The following RBFOX1 variants were observed in gnomAD, a reference collection of about 807,000 sequenced individuals.
The protein encoded by RBFOX1 is RNA binding protein fox-1 homolog 1.
In RBFOX1, 8 loss-of-function variants were observed where a neutral mutation model predicts 57.7. The ratio of observed to expected loss-of-function variants is 0.14; its 90% CI spans 0.08 to 0.25. RBFOX1 has a LOEUF of 0.25. Among genes scored for constraint, RBFOX1 ranks in the 10% least tolerant of loss-of-function variants. The probability of loss-of-function intolerance (pLI) is 1.00; values close to 1 mark genes in which losing one functional copy is unlikely to be tolerated. For missense variants in RBFOX1, 611 were observed against 548.5 expected (o/e 1.11, Z -1.14); for synonymous variants, 326 against 222.4 (o/e 1.47, Z -4.15).
chr16:7,156,777 G>T (rs914822838), intron 4 of RBFOX1, among the ~76,000 whole-genome samples: 6 of 152,040 alleles, frequency 3.9e-5, no homozygotes, highest in Admixed American at 3.9e-4. Flanking sequence ...TTCAAACACT[G>T]CATCTGTGTA....
chr16:5,778,268 T>G lies in RBFOX1; in HGVS notation c.319-89035T>G, dbSNP rs111980150. 7.6e-4 allele frequency among the ~76,000 whole-genome samples: 115 copies of G among 152,288 alleles called. 1 individual carries two copies. Among genetic ancestry groups the G allele is most frequent in the African/African-American group, 2.6e-3 (108 of 41,558 alleles). On this transcript the variant is annotated intron_variant, in intron 3 of 19. Coordinates refer to the RBFOX1 transcript ENST00000641259. ...ACATTTCAAGGCATTCCTTGGCACC[T>G]TTGAGCTTCACAGGGCCCCAGAGTT...
chr16:6,254,462 G>A (rs1007425755), intron 1 of RBFOX1, among the ~76,000 whole-genome samples: 1 of 152,208 alleles, frequency 6.6e-6, no homozygotes, highest in Non-Finnish European at 1.5e-5. Flanking sequence ...AGGCAGAGTA[G>A]CAGAGTGCTT....
intron 4 of RBFOX1, among the ~76,000 whole-genome samples, chr16:7,276,855 C>T (rs972546547): frequency 5.3e-5 from 8 of 152,190 alleles, no homozygotes; most frequent in South Asian, 2.1e-4. Context: ...GAAGTGTGGG[C>T]TTCTGTCTAA....
At chr16:6,152,889 C>G (rs1018625113) in intron 1 of RBFOX1, among the ~76,000 whole-genome samples, 3 of 152,090 alleles carry the variant, frequency 2.0e-5, no homozygotes, top group Non-Finnish European at 1.5e-5. Flanking sequence ...AGGAGCTGAT[C>G]AGGAAACACA....
At chr16:7,078,738 A>G (rs554758820) in intron 4 of RBFOX1, among the ~76,000 whole-genome samples, 11 of 148,538 alleles carry the variant, frequency 7.4e-5, no homozygotes, top group Non-Finnish European at 1.6e-4. Flanking sequence ...GCTGGAGTGC[A>G]ATGGCATGAT....
intron 2 of RBFOX1, among the ~76,000 whole-genome samples, chr16:5,498,930 G>T (rs1167974499): frequency 6.6e-6 from 1 of 152,120 alleles, no homozygotes; most frequent in Non-Finnish European, 1.5e-5. Context: ...TACTAAGTCA[G>T]GCTCTCACTG....
chr16:5,676,070 C>T (rs533438733), intron 3 of RBFOX1, among the ~76,000 whole-genome samples: 25 of 151,992 alleles, frequency 1.6e-4, no homozygotes, highest in Non-Finnish European at 2.9e-4. Flanking sequence ...GAGGGAACGT[C>T]GCACACCAGG....
intron 4 of RBFOX1, among the ~76,000 whole-genome samples, chr16:7,366,740 A>G (rs1218139195): frequency 1.3e-5 from 2 of 152,126 alleles, no homozygotes; most frequent in African/African-American, 2.4e-5. Flanking sequence ...TGGCAGCTAC[A>G]AAGCCGTTCA....
Position 7,518,264 on chromosome 16 carries a change from G to A in RBFOX1, c.145G>A (p.Ala49Thr), listed in dbSNP as rs755458164. Residue 49 changes from alanine to threonine, a missense_variant, in exon 5 of 16, where the codon GCG becomes ACG. By Grantham distance (58) the Ala-to-Thr change is moderately conservative. Around this residue, in one of 3 missense-constraint regions of RBFOX1, gnomAD observed 245 missense variants for 159.1 expected, o/e 1.54. Transcript: ENST00000550418. The part of the protein sequence containing the change: ...AEYTAPHPHP[A>T]PEYTGQTTVP... ...ATACACGGCCCCTCATCCCCACCCCGCGCCAGAGTACACAGGCCAGACCAC... is the reference window on the plus strand; with the variant it reads ...ATACACGGCCCCTCATCCCCACCCCACGCCAGAGTACACAGGCCAGACCAC... 4 of 1,613,846 alleles carry A rather than the reference G, an allele frequency of 2.5e-6. No homozygotes were observed. Among genetic ancestry groups the A allele is most frequent in the Non-Finnish European group, 2.5e-6 (3 of 1,179,974 alleles).
intron 3 of RBFOX1, among the ~76,000 whole-genome samples, chr16:5,695,923 A>AT (rs2151470777): frequency 6.6e-6 from 1 of 152,336 alleles, no homozygotes; most frequent in East Asian, 1.9e-4. Flanking sequence ...AATATATGTA[A>AT]TAAAAAATCG....
intron 4 of RBFOX1, among the ~76,000 whole-genome samples, chr16:7,208,544 AC>A (rs2090458794): frequency 6.6e-6 from 1 of 152,090 alleles, no homozygotes; most frequent in African/African-American, 2.4e-5. Context: ...CTTTTTCACA[AC>A]CTGTTCTCTG....
intron 4 of RBFOX1, among the ~76,000 whole-genome samples, chr16:7,181,594 G>C (rs1009755886): frequency 1.3e-5 from 2 of 150,590 alleles, no homozygotes; most frequent in Non-Finnish European, 3.0e-5. Flanking sequence ...TTGCTTGCTT[G>C]CTCTGTTGCC....
Position 6,256,159 on chromosome 16 carries a change from G to A in RBFOX1, c.-126-60836G>A, listed in dbSNP as rs7186200. On this transcript the variant is annotated intron_variant, in intron 1 of 15. Transcript: ENST00000550418. Reference sequence around the variant, plus strand: ...TATATGTGTGTATATATATATATATGTATATATATATGTATATATATATAT... The same window carrying A: ...TATATGTGTGTATATATATATATATATATATATATATGTATATATATATAT... Among the ~76,000 whole-genome samples, 24 of 31,464 alleles carry A rather than the reference G, an allele frequency of 7.6e-4. 1 individual carries two copies. Among genetic ancestry groups the A allele is most frequent in the Non-Finnish European group, 1.8e-3 (21 of 11,962 alleles). 20.6% of individuals were successfully genotyped at this position (31,464 alleles called of 152,430 possible). A position where few individuals can be genotyped will look rare whatever the true frequency, so the allele number is the denominator to read the frequency against.
intron 1 of RBFOX1, among the ~76,000 whole-genome samples, chr16:6,122,204 C>G (rs1281175558): frequency 6.6e-6 from 1 of 152,128 alleles, no homozygotes; most frequent in African/African-American, 2.4e-5. Flanking sequence ...CTGTGCCTGG[C>G]CCTTTTTGTT....
intron 3 of RBFOX1, among the ~76,000 whole-genome samples, chr16:6,937,295 A>G (rs2077538245): frequency 6.6e-6 from 1 of 152,124 alleles, no homozygotes; most frequent in African/African-American, 2.4e-5. Context: ...TTTCCTTTTT[A>G]CCTTCATTCC....
At chr16:6,854,539 C>T (rs2057438626) in intron 3 of RBFOX1, among the ~76,000 whole-genome samples, 1 of 149,562 alleles carries the variant, frequency 6.7e-6, no homozygotes, top group Non-Finnish European at 1.5e-5. Flanking sequence ...TGGCCAACGA[C>T]ATCTTCTGAA....
chr16:6,085,730 T>G (rs2096074555), intron 1 of RBFOX1, among the ~76,000 whole-genome samples: 1 of 152,134 alleles, frequency 6.6e-6, no homozygotes, highest in Non-Finnish European at 1.5e-5. Context: ...CCGTGGCGCT[T>G]AAATTCTACC....
intron 4 of RBFOX1, among the ~76,000 whole-genome samples, chr16:7,364,528 G>T (rs1308088691): frequency 6.8e-6 from 1 of 147,084 alleles, no homozygotes. Context: ...GCAAGGGAGA[G>T]CATTTATTGG....
chr16:7,698,191 T>G (rs910811449), intron 14 of RBFOX1, among the ~76,000 whole-genome samples: 2 of 39,772 alleles, frequency 5.0e-5, no homozygotes, highest in African/African-American at 1.3e-4. Flanking sequence ...AGGGTGTGTG[T>G]GTGTGTGTGT....
Sources: allele counts gnomAD v4.1 joint callset (sites outside exome capture counted in the v4.1 genomes callset), GRCh38; gene constraint gnomAD v4.1.1; regional missense constraint gnomAD v4.1.1; transcripts MANE v1.5; gene names NCBI Gene and HGNC (gene_info 2026-07-23, HGNC 2026-07-21).